ADGRV1: variants seen among roughly 807,000 people sequenced by gnomAD.
The protein encoded by ADGRV1 is adhesion G protein-coupled receptor V1.
In ADGRV1, 359 loss-of-function variants were observed where a neutral mutation model predicts 596.2. The observed-to-expected ratio is 0.60, with a 90% confidence interval of 0.55 to 0.66. The LOEUF (loss-of-function observed/expected upper bound fraction) is 0.66. ADGRV1 is among the 30% of genes least tolerant of loss of function. ADGRV1 has a pLI of 0.00. For missense variants in ADGRV1, 7,274 were observed against 7,575.6 expected, an observed-to-expected ratio of 0.96 and a Z score of 1.48; for synonymous variants, 2,681 against 2,679.2, an observed-to-expected ratio of 1.00 and a Z score of -0.02.
chr5:90,958,321 GGAAAAA>G (rs1264052088), intron 83 of ADGRV1, among the ~76,000 whole-genome samples: 1 of 148,572 alleles, frequency 6.7e-6, no homozygotes, highest in African/African-American at 2.5e-5. Flanking sequence ...AAAGAAAAAG[GGAAAAA>G]GAAAAAGAAA....
intron 10 of ADGRV1, among the ~76,000 whole-genome samples, chr5:90,636,096 A>G (rs1766164578): frequency 6.6e-6 from 1 of 152,064 alleles, no homozygotes. Context: ...TATACAATAT[A>G]TGTAAATTTT....
chr5:90,598,627 G>A (rs1281829461), intron 1 of ADGRV1, among the ~76,000 whole-genome samples: 1 of 152,140 alleles, frequency 6.6e-6, no homozygotes, highest in Non-Finnish European at 1.5e-5. Context: ...GAGCTCAGTG[G>A]CAGCTGAAGT....
chr5:90,762,665 T>TA (rs1195762816), intron 58 of ADGRV1: 1 of 152,202 alleles, frequency 6.6e-6, no homozygotes, highest in East Asian at 1.9e-4. Flanking sequence ...CTCCTCTCTT[T>TA]ATCTCAGATT....
chr5:90,816,653 C>T (rs927194833), intron 75 of ADGRV1, among the ~76,000 whole-genome samples: 2 of 149,474 alleles, frequency 1.3e-5, no homozygotes, highest in African/African-American at 4.9e-5. Flanking sequence ...TGAATGAGAA[C>T]ATGTGGTGTT....
At chr5:90,606,345 T>G (rs1762107231) in intron 1 of ADGRV1, among the ~76,000 whole-genome samples, 1 of 152,164 alleles carries the variant, frequency 6.6e-6, no homozygotes. Context: ...CTTTACTTGT[T>G]TTTTCATTAA....
chr5:90,607,707 C>T (rs928854217), intron 1 of ADGRV1, among the ~76,000 whole-genome samples: 1 of 152,138 alleles, frequency 6.6e-6, no homozygotes, highest in Non-Finnish European at 1.5e-5. Context: ...CACTCGTTCA[C>T]TGAAAGTTGA....
intron 1 of ADGRV1, among the ~76,000 whole-genome samples, chr5:90,586,653 A>G (rs959359756): frequency 6.6e-6 from 1 of 152,228 alleles, no homozygotes; most frequent in Non-Finnish European, 1.5e-5. Context: ...CAAGAATGCT[A>G]CATCGGTATG....
At position 90,627,587 on chromosome 5, in the gene ADGRV1, C is replaced by A. The variant is rs727504607; in HGVS notation, c.1049C>A (p.Thr350Asn). Residue 350 changes from threonine (T) to asparagine (N), a missense_variant, in exon 7 of 90, where the codon ACC becomes AAC. Thr to Asn is a moderately conservative substitution (Grantham distance 65). This residue lies in a region of ADGRV1 where 1,715 missense variants were observed against 1,708.8 expected (regional missense o/e 1.00). Transcript: ENST00000405460. ...SHLKFQIVDD[T>N]IPEIAESFHI... ...TTGAAATTTCAAATAGTTGATGACA[C>A]CATACCGGAGATTGCTGAATCGTTT... The A allele has an allele frequency of 2.5e-6, 4 of 1,613,788 alleles. No homozygotes were observed. Among genetic ancestry groups the A allele is most frequent in the East Asian group, 2.2e-5 (1 of 44,860 alleles).
intron 21 of ADGRV1, among the ~76,000 whole-genome samples, chr5:90,669,780 G>A (rs1772165678): frequency 6.6e-6 from 1 of 152,168 alleles, no homozygotes; most frequent in South Asian, 2.1e-4. Context: ...ACAATTTTCT[G>A]TGTTCACCAA....
At chr5:90,817,963 A>G (rs1174386177) in intron 75 of ADGRV1, among the ~76,000 whole-genome samples, 1 of 152,168 alleles carries the variant, frequency 6.6e-6, no homozygotes, top group East Asian at 1.9e-4. Context: ...AGTCATTGGT[A>G]GCTTGATGGG....
intron 50 of ADGRV1, among the ~76,000 whole-genome samples, chr5:90,741,583 T>G (rs1242099259): frequency 6.6e-6 from 1 of 152,184 alleles, no homozygotes; most frequent in Non-Finnish European, 1.5e-5. Flanking sequence ...AGATGATGAG[T>G]GCTGCCTGAA....
chr5:90,982,382 C>A (rs1780148288), intron 84 of ADGRV1, among the ~76,000 whole-genome samples: 1 of 152,088 alleles, frequency 6.6e-6, no homozygotes, highest in Admixed American at 6.6e-5. Context: ...AATGCTCCAC[C>A]ATCTTCTTTT....
intron 26 of ADGRV1, 76 bp from the exon 27 acceptor site, chr5:90,681,239 T>G (rs1010768080): frequency 1.3e-6 from 2 of 1,526,868 alleles, no homozygotes; most frequent in South Asian, 2.5e-5. Context: ...AAAAAGTTGT[T>G]CCTTGGCTTT....
At position 90,658,225 on chromosome 5, in the gene ADGRV1, A is replaced by G; in HGVS notation, c.4699A>G (p.Lys1567Glu). The part of the protein sequence containing the change: ...ENTTARLTIQ[K>E]SDNANGLFGF... ...TACTACTGCAAGATTAACAATACAA[A>G]AAAGTGACAATGCAAATGGCTTGTT... The change falls in exon 21 of 90, where the codon AAA becomes GAA. Residue 1567 changes from lysine to glutamate, a missense_variant. Lys to Glu is a moderately conservative substitution (Grantham distance 56). This residue lies in a region of ADGRV1 where 3,643 missense variants were observed against 3,809.2 expected (regional missense o/e 0.96). Transcript: ENST00000405460. 6.5e-7 allele frequency: 1 copy of G among 1,548,618 alleles called. No individual in the cohort carries two copies. The highest frequency in any genetic ancestry group is 8.7e-7 in the Non-Finnish European group (1 of 1,147,544).
intron 38 of ADGRV1, among the ~76,000 whole-genome samples, chr5:90,708,025 T>C (rs569042944): frequency 6.6e-6 from 1 of 152,242 alleles, no homozygotes; most frequent in South Asian, 2.1e-4. Context: ...TTCACTTATA[T>C]TTTCACATGG....
At chr5:91,113,076 A>G (rs1792519334) in intron 87 of ADGRV1, among the ~76,000 whole-genome samples, 1 of 152,144 alleles carries the variant, frequency 6.6e-6, no homozygotes, top group Non-Finnish European at 1.5e-5. Flanking sequence ...ATTCACCCAC[A>G]GGTATTTCCT....
At chr5:90,897,660 T>C (rs1771463163) in intron 83 of ADGRV1, among the ~76,000 whole-genome samples, 1 of 152,212 alleles carries the variant, frequency 6.6e-6, no homozygotes, top group Admixed American at 6.5e-5. Context: ...CTAAATCAAC[T>C]CTAAAATAAG....
chr5:90,749,109 G>T (rs942264558), intron 52 of ADGRV1, among the ~76,000 whole-genome samples: 3 of 152,166 alleles, frequency 2.0e-5, no homozygotes, highest in African/African-American at 7.2e-5. Flanking sequence ...TTCCTCAACT[G>T]TTTGAGAATG....
At position 91,153,330 on chromosome 5, in the gene ADGRV1, G is replaced by A. The variant is rs1453586455; in HGVS notation, c.18734G>A (p.Gly6245Asp). Residue 6245 changes from glycine to aspartate, a missense_variant, in exon 89 of 90, where the codon GGC becomes GAC. Physicochemically the swap from Gly to Asp is moderately conservative, Grantham distance 94 (BLOSUM62 -1). Coordinates refer to ENST00000405460, the MANE Select transcript of ADGRV1 (RefSeq NM_032119.4). ...ACGTTCCCGTCCTCTGGAGGATATG[G>A]CCAGGGGTCACTGATAGCCGATGAG... ...GATFPSSGGY[G>D]QGSLIADEES... 6.2e-7 allele frequency: 1 copy of A among 1,612,620 alleles called. No homozygotes were observed. Among genetic ancestry groups the A allele is most frequent in the Non-Finnish European group, 8.5e-7 (1 of 1,179,346 alleles).
Sources: gnomAD v4.1 joint callset for allele counts (sites outside exome capture counted in the v4.1 genomes callset) on GRCh38, gnomAD v4.1.1 for gene constraint, gnomAD v4.1.1 regional missense constraint, MANE v1.5 for transcripts, NCBI Gene and HGNC (gene_info 2026-07-23, HGNC 2026-07-21) for gene names.